The following ITGB6 variants were observed in gnomAD, a reference collection of about 807,000 sequenced individuals.
ITGB6 encodes integrin subunit beta 6, also known as integrin beta-6.
Under a neutral mutation model 84.5 loss-of-function variants are expected in ITGB6, and 80 were observed. The observed-to-expected ratio is 0.95, with a 90% CI of 0.79 to 1.14. The LOEUF (loss-of-function observed/expected upper bound fraction) is 1.14. ITGB6 is among the 50% of genes most tolerant of loss of function. ITGB6 has a pLI of 0.00. For synonymous variants in ITGB6, 383 were observed against 354.9 expected, an observed-to-expected ratio of 1.08 and a Z score of -0.89; for missense variants, 1,006 against 968.0, an observed-to-expected ratio of 1.04 and a Z score of -0.52.
intron 5 of ITGB6, 137 bp downstream of exon 5, chr2:160,173,837 T>A (rs999972749): frequency 2.8e-6 from 2 of 726,142 alleles, no homozygotes. Context: ...GTAAAAATTG[T>A]GTATTTTAAG....
chr2:160,178,688 CTTTTTT>C (rs746675372), intron 4 of ITGB6, among the ~76,000 whole-genome samples: 3 of 103,740 alleles, frequency 2.9e-5, no homozygotes, highest in Non-Finnish European at 6.1e-5. Flanking sequence ...CTCTCTCTCT[CTTTTTT>C]TTTTTTTTTT....
chr2:160,118,041 A>G (rs530303551), intron 12 of ITGB6, among the ~76,000 whole-genome samples: 130 of 152,250 alleles, frequency 8.5e-4, no homozygotes, highest in African/African-American at 2.8e-3. Context: ...CAACCAAAAA[A>G]AGTCCAGGAC....
chr2:160,188,744 C>A (rs1686011789), intron 4 of ITGB6, among the ~76,000 whole-genome samples: 1 of 152,058 alleles, frequency 6.6e-6, no homozygotes, highest in African/African-American at 2.4e-5. Context: ...GCTGGGATTA[C>A]AGGCATGTGC....
chr2:160,169,368 ATATT>A, intron 6 of ITGB6, 61 bp from the exon 7 acceptor site: 1 of 990,560 alleles, frequency 1.0e-6, no homozygotes, highest in East Asian at 2.5e-5. Flanking sequence ...AAAGAAAGGA[ATATT>A]TATTTCAAAG....
At chr2:160,116,512 A>G (rs1682775303) in intron 12 of ITGB6, among the ~76,000 whole-genome samples, 1 of 152,248 alleles carries the variant, frequency 6.6e-6, no homozygotes, top group Non-Finnish European at 1.5e-5. Context: ...TCCTGAAGGA[A>G]GCACTAAACA....
chr2:160,146,509 T>C (rs1177062786), intron 7 of ITGB6, among the ~76,000 whole-genome samples: 1 of 152,226 alleles, frequency 6.6e-6, no homozygotes, highest in Non-Finnish European at 1.5e-5. Flanking sequence ...ATATGTATTC[T>C]ACTGAAATCT....
intron 4 of ITGB6, among the ~76,000 whole-genome samples, chr2:160,192,782 C>T (rs923022535): frequency 1.3e-4 from 20 of 151,888 alleles, no homozygotes; most frequent in Admixed American, 1.3e-4. Flanking sequence ...GTACTCTTAC[C>T]ACACAATATT....
rs79296968 is a variant in ITGB6, at chr2:160,109,803, C to A, written c.2102-1958G>T. ...ATCTAACTGTGCTACATGCGTTGCACAATCTGGTAGCTCAATGTGCATATT... is the reference window on the plus strand; with the variant it reads ...ATCTAACTGTGCTACATGCGTTGCAAAATCTGGTAGCTCAATGTGCATATT... On this transcript the variant is annotated intron_variant, in intron 13 of 14. Transcript: ENST00000283249. Among the ~76,000 whole-genome samples the A allele has an allele frequency of 8.3e-3, 1,261 of 152,296 alleles. 8 individuals carry two copies. Among genetic ancestry groups the A allele is most frequent in the Non-Finnish European group, 0.014 (942 of 68,034 alleles).
intron 13 of ITGB6, among the ~76,000 whole-genome samples, chr2:160,109,916 G>T (rs1208194406): frequency 6.6e-6 from 1 of 152,188 alleles, no homozygotes; most frequent in African/African-American, 2.4e-5. Context: ...TGAAAAAAAT[G>T]TAAAATATCT....
At chr2:160,187,685 G>A (rs993964927) in intron 4 of ITGB6, among the ~76,000 whole-genome samples, 2 of 151,980 alleles carry the variant, frequency 1.3e-5, no homozygotes, top group Admixed American at 1.3e-4. Flanking sequence ...TAGAGCAGAA[G>A]GCCTGTTAAT....
chr2:160,164,698 GA>G (rs919038043), intron 7 of ITGB6, among the ~76,000 whole-genome samples: 39 of 145,952 alleles, frequency 2.7e-4, no homozygotes, highest in African/African-American at 4.0e-4. Flanking sequence ...TCTCTCTCAA[GA>G]AAAAAAAAAA....
chr2:160,167,113 T>C (rs543939007), intron 7 of ITGB6, among the ~76,000 whole-genome samples: 1 of 152,354 alleles, frequency 6.6e-6, no homozygotes, highest in Non-Finnish European at 1.5e-5. Context: ...CTATCACTGG[T>C]TTTATTTTTC....
chr2:160,110,463 A>G (rs1163135532), intron 13 of ITGB6, among the ~76,000 whole-genome samples: 1 of 152,018 alleles, frequency 6.6e-6, no homozygotes, highest in East Asian at 1.9e-4. Flanking sequence ...TATCCTCATC[A>G]CCTCAAGGGC....
At chr2:160,184,699 T>C (rs1685822388) in intron 4 of ITGB6, among the ~76,000 whole-genome samples, 1 of 152,068 alleles carries the variant, frequency 6.6e-6, no homozygotes, top group African/African-American at 2.4e-5. Context: ...TAGGCCAATA[T>C]CCCTGATGAA....
chr2:160,175,615 A>C (rs1685388396), intron 4 of ITGB6, among the ~76,000 whole-genome samples: 1 of 152,218 alleles, frequency 6.6e-6, no homozygotes, highest in South Asian at 2.1e-4. Context: ...AATGCTGTTT[A>C]GTGTTCCTAA....
Position 160,126,722 on chromosome 2 carries a change from G to A in ITGB6, c.1661-121C>T. 14 of 898,706 alleles carry A rather than the reference G, an allele frequency of 1.6e-5. No individual in the cohort carries two copies. In the Admixed American group the frequency reaches 2.0e-4, roughly 13 times the overall value. The allele number at this position is 898,706 out of a possible 1,614,324, so 55.7% of individuals were successfully genotyped here. On this transcript the variant is annotated intron_variant, in intron 10 of 14. Transcript: ENST00000283249. ...TCATCAAAAGACAAGAAAAAAATGA[G>A]AAAAAAAGTATGTGTGTGAGGGGTG...
chr2:160,136,823 T>C (rs541377747), intron 10 of ITGB6, among the ~76,000 whole-genome samples: 19 of 151,828 alleles, frequency 1.3e-4, no homozygotes, highest in Admixed American at 5.9e-4. Flanking sequence ...ACACCACATG[T>C]TCTCACTCAT....
At position 160,154,054 on chromosome 2, in the gene ITGB6, G is replaced by A. The variant is rs113441343; in HGVS notation, c.1018-11983C>T. 8.7e-3 allele frequency among the ~76,000 whole-genome samples: 1,323 copies of A among 152,200 alleles called. 25 individuals are homozygous for A. The highest frequency in any genetic ancestry group is 0.031 in the African/African-American group (1,277 of 41,526). On this transcript the variant is annotated intron_variant, in intron 7 of 14. Coordinates refer to ENST00000283249, the MANE Select transcript of ITGB6 (RefSeq NM_000888.5). ...TCCCCAAGGATCTAGAACTAGAAGT[G>A]CCATTTGACCTAGCAATCCCATTAC...
rs1298984569 is a variant in ITGB6, at chr2:160,116,927, A to G, written c.1982-4728T>C. 2.6e-5 allele frequency among the ~76,000 whole-genome samples: 4 copies of G among 151,816 alleles called. No homozygotes were observed. The South Asian group carries it at 6.2e-4, about 24-fold the overall frequency. ...CAAAAGAGACAAAGAAGGCCATTACATAATGGTAAAGGGATCAATTCAACA... is the reference window on the plus strand; with the variant it reads ...CAAAAGAGACAAAGAAGGCCATTACGTAATGGTAAAGGGATCAATTCAACA... On this transcript the variant is annotated intron_variant, in intron 12 of 14. Coordinates refer to ENST00000283249, the MANE Select transcript of ITGB6 (RefSeq NM_000888.5).
Sources: gnomAD v4.1 joint callset for allele counts (sites outside exome capture counted in the v4.1 genomes callset) on GRCh38, gnomAD v4.1.1 for gene constraint, MANE v1.5 for transcripts, NCBI Gene and HGNC (gene_info 2026-07-23, HGNC 2026-07-21) for gene names.